The following HMCN1 variants were observed in gnomAD, a reference collection of about 807,000 sequenced individuals.
HMCN1 encodes the protein hemicentin-1.
Under a neutral mutation model 625.9 loss-of-function variants are expected in HMCN1, and 321 were observed. The observed-to-expected ratio is 0.51, with a 90% CI of 0.47 to 0.56. HMCN1 has a LOEUF of 0.56. Ranked by LOEUF, HMCN1 falls within the 20% of genes least tolerant of loss-of-function variation. The pLI is 0.00. For synonymous variants in HMCN1, 2,425 were observed against 2,417.6 expected (o/e 1.00, Z -0.09); for missense variants, 6,588 against 6,887.3 (o/e 0.96, Z 1.54).
At chr1:185,924,887 T>G (rs566739691) in intron 8 of HMCN1, among the ~76,000 whole-genome samples, 160 bp from the exon 9 acceptor site, 29 of 152,262 alleles carry the variant, frequency 1.9e-4, no homozygotes, top group African/African-American at 5.5e-4. Context: ...CAAATAAAGA[T>G]AGAAAAAGTA....
intron 4 of HMCN1, among the ~76,000 whole-genome samples, chr1:185,885,062 C>T (rs1422506908): frequency 6.6e-6 from 1 of 150,856 alleles, no homozygotes; most frequent in Admixed American, 6.6e-5. Context: ...ATAATGCCAT[C>T]CTTGGACATG....
intron 80 of HMCN1, among the ~76,000 whole-genome samples, chr1:186,122,392 T>C (rs537598385): frequency 2.2e-4 from 33 of 152,338 alleles, no homozygotes; most frequent in African/African-American, 7.9e-4. Flanking sequence ...AGGAAATCCT[T>C]ATTATAAGCT....
chr1:185,920,702 C>T (rs1183255875), intron 6 of HMCN1, among the ~76,000 whole-genome samples: 1 of 151,832 alleles, frequency 6.6e-6, no homozygotes, highest in Non-Finnish European at 1.5e-5. Context: ...CTATTAAGTA[C>T]CACATTGTTG....
intron 97 of HMCN1, among the ~76,000 whole-genome samples, chr1:186,154,372 A>C (rs1287485141): frequency 6.6e-6 from 1 of 152,090 alleles, no homozygotes; most frequent in Non-Finnish European, 1.5e-5. Context: ...TAATACAAAA[A>C]TTAGCCGGTC....
chr1:186,071,608 G>A (rs1020032034), intron 52 of HMCN1, among the ~76,000 whole-genome samples: 1 of 152,146 alleles, frequency 6.6e-6, no homozygotes, highest in Non-Finnish European at 1.5e-5. Flanking sequence ...TAGAAGTTCA[G>A]ATCATAATCA....
chr1:186,032,430 C>T (rs1335708852), intron 36 of HMCN1, among the ~76,000 whole-genome samples: 2 of 152,090 alleles, frequency 1.3e-5, no homozygotes, highest in Admixed American at 1.3e-4. Flanking sequence ...CACCTTGAGT[C>T]ATAGTTCCCA....
chr1:185,763,107 G>A (rs142986273), intron 1 of HMCN1, among the ~76,000 whole-genome samples: 34 of 152,248 alleles, frequency 2.2e-4, no homozygotes, highest in Non-Finnish European at 4.4e-4. Flanking sequence ...AAAAACCCAG[G>A]ACGCTGGTAA....
intron 9 of HMCN1, among the ~76,000 whole-genome samples, chr1:185,927,518 A>G (rs1667337908): frequency 6.6e-6 from 1 of 152,010 alleles, no homozygotes; most frequent in African/African-American, 2.4e-5. Flanking sequence ...AGGCACAGAA[A>G]CCTGTTTTAA....
chr1:185,856,490 A>AG (rs1218177436), intron 2 of HMCN1, among the ~76,000 whole-genome samples: 104 of 149,918 alleles, frequency 6.9e-4, no homozygotes, highest in Middle Eastern at 6.9e-3. Context: ...CCTGTCTCAA[A>AG]AAAAAAAAAA....
Position 186,087,556 on chromosome 1 carries a change from A to T in HMCN1, c.9274A>T (p.Thr3092Ser), listed in dbSNP as rs1339467426. Reference protein sequence around the residue: ...ESNAVPPPVITWYKNGRMITE... With the variant: ...ESNAVPPPVISWYKNGRMITE... ...GAACGCTGTGCCACCTCCAGTCATCACTTGGTATAAGAATGGGCGGATGAT... is the reference window on the plus strand; with the variant it reads ...GAACGCTGTGCCACCTCCAGTCATCTCTTGGTATAAGAATGGGCGGATGAT... Residue 3092 changes from threonine (T) to serine (S), a missense_variant, in exon 60 of 107, where the codon ACT (threonine) becomes TCT (serine). Coordinates refer to ENST00000271588, the MANE Select transcript of HMCN1 (RefSeq NM_031935.3). 3 of 1,613,154 alleles carry T rather than the reference A, an allele frequency of 1.9e-6. No homozygotes were observed. The highest frequency in any genetic ancestry group is 1.1e-5 in the South Asian group (1 of 91,076).
chr1:186,164,823 T>A (rs1651775593), intron 97 of HMCN1, among the ~76,000 whole-genome samples: 1 of 152,206 alleles, frequency 6.6e-6, no homozygotes. Flanking sequence ...GCATATACAT[T>A]TATCTTGGAC....
chr1:185,754,327 A>G (rs1050648884), intron 1 of HMCN1, among the ~76,000 whole-genome samples: 2 of 152,170 alleles, frequency 1.3e-5, no homozygotes, highest in Admixed American at 6.5e-5. Flanking sequence ...ACAAATAAGT[A>G]TTTCTTAAAA....
chr1:185,933,194 TA>T (rs1667640969), intron 10 of HMCN1, among the ~76,000 whole-genome samples: 1 of 152,182 alleles, frequency 6.6e-6, no homozygotes, highest in Non-Finnish European at 1.5e-5. Flanking sequence ...TACATATTTT[TA>T]AAATCTAAAA....
At position 186,019,689 on chromosome 1, in the gene HMCN1, C is replaced by T. The variant is rs764410383; in HGVS notation, c.5619C>T (p.Asn1873=). The T allele has an allele frequency of 1.2e-5, 20 of 1,611,060 alleles. No homozygotes were observed. In the Admixed American group the frequency reaches 2.7e-4, roughly 22 times the overall value. ...AGCCTGTGAACACTGCCCAAGGAAA[C>T]CTTAAAGTAAGTGTAAATATTACTC... is the stretch of plus-strand genomic sequence containing the variant. The part of the protein sequence containing the change: ...DDQPVNTAQG[N]LKIQSSGRVL... The change falls in exon 35 of 107, where the codon AAC becomes AAT. Residue 1873 remains asparagine, a synonymous_variant. Coordinates refer to ENST00000271588, the MANE Select transcript of HMCN1 (RefSeq NM_031935.3).
intron 1 of HMCN1, among the ~76,000 whole-genome samples, chr1:185,820,742 A>G (rs573705876): frequency 9.2e-5 from 14 of 152,284 alleles, no homozygotes; most frequent in African/African-American, 3.4e-4. Flanking sequence ...GTCATCAGAG[A>G]GTACTTTATG....
intron 75 of HMCN1, among the ~76,000 whole-genome samples, chr1:186,116,147 T>A (rs1165089774): frequency 2.0e-5 from 3 of 152,166 alleles, no homozygotes; most frequent in South Asian, 4.1e-4. Context: ...TTTCACCCTT[T>A]TAATCTTTTG....
chr1:186,104,716 C>G (rs184504142), intron 69 of HMCN1, among the ~76,000 whole-genome samples: 1 of 152,288 alleles, frequency 6.6e-6, no homozygotes, highest in East Asian at 1.9e-4. Flanking sequence ...AATCCTTAGT[C>G]TGATTCAGAA....
chr1:185,917,698 T>G (rs1395549941), intron 6 of HMCN1, among the ~76,000 whole-genome samples: 1 of 152,206 alleles, frequency 6.6e-6, no homozygotes, highest in Admixed American at 6.5e-5. Context: ...GTGATGAATA[T>G]GAAATAGTTA....
intron 57 of HMCN1, among the ~76,000 whole-genome samples, chr1:186,084,281 C>G (rs1659343005): frequency 2.0e-5 from 3 of 152,086 alleles, no homozygotes. Flanking sequence ...ATGTTTTCTG[C>G]ATGTTTATTA....
Sources: allele counts gnomAD v4.1 joint callset (sites outside exome capture counted in the v4.1 genomes callset), GRCh38; gene constraint gnomAD v4.1.1; transcripts MANE v1.5; gene names NCBI Gene and HGNC (gene_info 2026-07-23, HGNC 2026-07-21).